CERK: variants seen among roughly 807,000 people sequenced by gnomAD.
CERK encodes ceramide kinase.
Under a neutral mutation model 63.4 loss-of-function variants are expected in CERK, and 39 were observed. The ratio of observed to expected loss-of-function variants is 0.61; its 90% confidence interval spans 0.48 to 0.80. The LOEUF (loss-of-function observed/expected upper bound fraction) is 0.80. Among genes scored for constraint, CERK ranks in the 30% least tolerant of loss-of-function variants. The probability of loss-of-function intolerance (pLI) is 0.00; values close to 1 mark genes in which losing one functional copy is unlikely to be tolerated. For missense variants in CERK, 670 were observed against 714.1 expected, an observed-to-expected ratio of 0.94 and a Z score of 0.70; for synonymous variants, 302 against 280.0, an observed-to-expected ratio of 1.08 and a Z score of -0.78.
intron 5 of CERK, among the ~76,000 whole-genome samples, chr22:46,709,750 A>G (rs1170297900): frequency 6.6e-6 from 1 of 152,256 alleles, no homozygotes; most frequent in African/African-American, 2.4e-5. Context: ...GCTAAACTCA[A>G]GATGAAGAGT....
At chr22:46,695,362 C>T in intron 8 of CERK, 47 bp from the exon 9 acceptor site, 1 of 1,124,724 alleles carries the variant, frequency 8.9e-7, no homozygotes, top group South Asian at 1.2e-5. Flanking sequence ...AGGGTCATTG[C>T]TTGGTTAGGA....
chr22:46,722,631 C>A (rs1014392669), intron 1 of CERK, among the ~76,000 whole-genome samples: 3 of 150,332 alleles, frequency 2.0e-5, no homozygotes, highest in African/African-American at 7.4e-5. Context: ...TCCATCTCGG[C>A]TCACCGCAAC....
chr22:46,695,452 C>T (rs2082751677), intron 8 of CERK, 137 bp from the exon 9 acceptor site: 1 of 670,498 alleles, frequency 1.5e-6, no homozygotes, highest in South Asian at 1.6e-5. Context: ...GCCGGGCCTG[C>T]TTCAGGCCAT....
chr22:46,718,648 T>C (rs1163082976), intron 3 of CERK, among the ~76,000 whole-genome samples: 1 of 152,222 alleles, frequency 6.6e-6, no homozygotes, highest in Non-Finnish European at 1.5e-5. Flanking sequence ...AGCAGATATA[T>C]GGGAATGCCT....
chr22:46,689,645 T>C (rs1053979970), intron 12 of CERK, among the ~76,000 whole-genome samples: 4 of 151,974 alleles, frequency 2.6e-5, no homozygotes, highest in Non-Finnish European at 5.9e-5. Flanking sequence ...CCTTTTGAAT[T>C]ATTTAGGAGA....
intron 4 of CERK, among the ~76,000 whole-genome samples, chr22:46,711,400 G>A (rs1044214660): frequency 6.6e-6 from 1 of 152,068 alleles, no homozygotes; most frequent in East Asian, 1.9e-4. Flanking sequence ...TTTAATTGCC[G>A]GCAAATAATA....
chr22:46,732,124 C>T (rs566917314), intron 1 of CERK, among the ~76,000 whole-genome samples: 1 of 152,054 alleles, frequency 6.6e-6, no homozygotes. Context: ...AATCGAGAAC[C>T]CAGCAGACGT....
At chr22:46,727,449 C>CT (rs772547106) in intron 1 of CERK, among the ~76,000 whole-genome samples, 1,957 of 61,808 alleles carry the variant, frequency 0.032, 59 homozygotes, top group African/African-American at 0.064. Flanking sequence ...CCAGCTGTTT[C>CT]TTTTTTTTTT....
At chr22:46,729,000 G>A (rs913415274) in intron 1 of CERK, among the ~76,000 whole-genome samples, 15 of 152,204 alleles carry the variant, frequency 9.9e-5, no homozygotes, top group African/African-American at 3.6e-4. Context: ...GACAGCCAGG[G>A]CCCACCTCCC....
At chr22:46,723,817 C>A (rs2082904506) in intron 1 of CERK, among the ~76,000 whole-genome samples, 2 of 151,970 alleles carry the variant, frequency 1.3e-5, no homozygotes, top group Admixed American at 1.3e-4. Context: ...CCTGCCTCAG[C>A]CTCCTGAGTA....
chr22:46,725,868 C>T (rs556669543), intron 1 of CERK, among the ~76,000 whole-genome samples: 1 of 152,360 alleles, frequency 6.6e-6, no homozygotes, highest in Admixed American at 6.5e-5. Flanking sequence ...GCTGAGAGCA[C>T]GCTGACTTCC....
chr22:46,731,283 G>T (rs115225521), intron 1 of CERK, among the ~76,000 whole-genome samples: 1,610 of 152,358 alleles, frequency 0.011, 30 homozygotes, highest in African/African-American at 0.037. Context: ...GAGCTGCAAG[G>T]TGCCCACACT....
intron 3 of CERK, among the ~76,000 whole-genome samples, chr22:46,715,829 G>A (rs2082863515): frequency 1.3e-5 from 2 of 152,220 alleles, no homozygotes; most frequent in South Asian, 2.1e-4. Context: ...AAACGTCTTC[G>A]TGACTTTGGA....
chr22:46,731,557 G>T, intron 1 of CERK, among the ~76,000 whole-genome samples: 1 of 152,248 alleles, frequency 6.6e-6, no homozygotes, highest in Non-Finnish European at 1.5e-5. Flanking sequence ...CCCAGTCTTG[G>T]AACATACTGC....
At chr22:46,707,699 C>T in intron 6 of CERK, 144 bp downstream of exon 6, 2 of 933,624 alleles carry the variant, frequency 2.1e-6, no homozygotes, top group Middle Eastern at 2.3e-4. Context: ...TGATATCCCC[C>T]CAAGAGTGGC....
chr22:46,728,200 G>A (rs929293591), intron 1 of CERK, among the ~76,000 whole-genome samples: 9 of 152,104 alleles, frequency 5.9e-5, no homozygotes, highest in Non-Finnish European at 1.3e-4. Context: ...CAGGTCGCGG[G>A]AAACCTGCAT....
At chr22:46,724,223 T>C (rs1601727511) in intron 1 of CERK, among the ~76,000 whole-genome samples, 1 of 152,224 alleles carries the variant, frequency 6.6e-6, no homozygotes, top group South Asian at 2.1e-4. Context: ...TATGGTTTTC[T>C]TAACCACGTT....
chr22:46,701,633 C>A lies in CERK; in HGVS notation c.790+3G>T. 6.4e-7 allele frequency: 1 copy of A among 1,555,190 alleles called. No homozygotes were observed. The highest frequency in any genetic ancestry group is 8.7e-7 in the Non-Finnish European group (1 of 1,149,400). On this transcript the variant is annotated splice_donor_region_variant and intron_variant, in intron 7 of 12. Transcript: ENST00000216264. ...CGTGCGCATGCGCAGAGGAGGGGCT[C>A]ACCAACAACGATATGCAGCGCCGAG... is the stretch of plus-strand genomic sequence containing the variant.
rs970345661 is a variant in CERK, at chr22:46,738,139, T to A, written c.10A>T (p.Thr4Ser). ...GATTGCAGCGGCTCCGCCGCCCCCGTCGCCCCCATCTCCGCCGCCGGGCTC... is the reference window on the plus strand; with the variant it reads ...GATTGCAGCGGCTCCGCCGCCCCCGACGCCCCCATCTCCGCCGCCGGGCTC... MGATGAAEPLQSVL... is the reference protein window; with the variant it reads MGASGAAEPLQSVL... Residue 4 changes from threonine (T) to serine (S), a missense_variant, in exon 1 of 13, where the codon ACG becomes TCG. Transcript: ENST00000216264. 2.5e-6 allele frequency: 3 copies of A among 1,201,316 alleles called. No homozygotes were observed. The highest frequency in any genetic ancestry group is 3.1e-6 in the Non-Finnish European group (3 of 964,578). 74.4% of individuals were successfully genotyped at this position (1,201,316 alleles called of 1,614,324 possible). A position where few individuals can be genotyped will look rare whatever the true frequency, so the allele number is the denominator to read the frequency against.
Sources: allele counts gnomAD v4.1 joint callset (sites outside exome capture counted in the v4.1 genomes callset), GRCh38; gene constraint gnomAD v4.1.1; transcripts MANE v1.5; gene names NCBI Gene and HGNC (gene_info 2026-07-23, HGNC 2026-07-21).